Variants in PAM observed in about 807,000 individuals in gnomAD.
PAM encodes peptidylglycine alpha-amidating monooxygenase.
A neutral mutation model predicts 122.1 loss-of-function variants in PAM; 72 were observed. That is an observed-to-expected ratio of 0.59 (90% CI 0.49 to 0.72). PAM has a LOEUF of 0.72. Among genes scored for constraint, PAM ranks in the 30% least tolerant of loss-of-function variants. The pLI, the probability that PAM is intolerant of heterozygous loss-of-function variation, is 0.00. For synonymous variants in PAM, 389 were observed against 404.4 expected (o/e 0.96, Z 0.46); for missense variants, 1,106 against 1,183.7 (o/e 0.93, Z 0.96).
chr5:102,888,286 C>T (rs2151233251), intron 3 of PAM, among the ~76,000 whole-genome samples: 1 of 152,026 alleles, frequency 6.6e-6, no homozygotes, highest in South Asian at 2.1e-4. Flanking sequence ...TGGTCTGTTC[C>T]AGCTCCATTG....
At chr5:102,862,694 T>C (rs574603857) in intron 1 of PAM, among the ~76,000 whole-genome samples, 10 of 152,378 alleles carry the variant, frequency 6.6e-5, no homozygotes, top group Non-Finnish European at 1.2e-4. Context: ...ATATTTATTA[T>C]GTGTCTAGCA....
chr5:102,864,490 T>A (rs962372698), intron 1 of PAM: 1 of 152,184 alleles, frequency 6.6e-6, no homozygotes, highest in African/African-American at 2.4e-5. Flanking sequence ...TTTGGTTGGA[T>A]GTTAAGTCAG....
chr5:102,899,335 C>G (rs1797033673), intron 3 of PAM, among the ~76,000 whole-genome samples: 1 of 151,340 alleles, frequency 6.6e-6, no homozygotes, highest in South Asian at 2.1e-4. Context: ...ATGTGACCAT[C>G]ATTGACTTAA....
rs559835276 is a variant in PAM at position 102,852,662 on chromosome 5, G to A, written c.-373-13161G>A. 1.8e-4 allele frequency among the ~76,000 whole-genome samples: 28 copies of A among 152,098 alleles called. No individual in the cohort carries two copies. The South Asian group carries it at 4.2e-3, about 23-fold the overall frequency. On this transcript the variant is annotated intron_variant, in intron 1 of 25. Transcript: ENST00000438793. ...TAGAAATTAATGTGGATTATAATGG[G>A]AAGCAAATTTAAAATATAAAATAAA...
At chr5:102,908,641 G>A (rs189161925) in intron 4 of PAM, among the ~76,000 whole-genome samples, 1,874 of 151,068 alleles carry the variant, frequency 0.012, 42 homozygotes, top group African/African-American at 0.043. Context: ...TGGGTGCAGC[G>A]CACCAGCATG....
intron 15 of PAM, among the ~76,000 whole-genome samples, chr5:102,976,108 G>A (rs1227051187): frequency 1.3e-5 from 2 of 152,126 alleles, no homozygotes; most frequent in African/African-American, 4.8e-5. Flanking sequence ...TCCTGTGAAT[G>A]TCACTGACGT....
chr5:102,855,798 C>T (rs1436736817), intron 1 of PAM, among the ~76,000 whole-genome samples: 1 of 152,206 alleles, frequency 6.6e-6, no homozygotes, highest in East Asian at 1.9e-4. Flanking sequence ...TCCCCACCTT[C>T]AGACCACATC....
At chr5:102,760,813 T>C (rs1349867109) in intron 1 of PAM, among the ~76,000 whole-genome samples, 1 of 152,220 alleles carries the variant, frequency 6.6e-6, no homozygotes. Flanking sequence ...ACCTATACAG[T>C]ACTTAGTTCA....
At chr5:102,987,600 G>T (rs755366576) in intron 15 of PAM, 1 of 445,554 alleles carries the variant, frequency 2.2e-6, no homozygotes, top group South Asian at 1.6e-5. Context: ...ACCCTGATTT[G>T]ATCATGCTTG....
chr5:102,791,669 A>T (rs1294488897), intron 1 of PAM, among the ~76,000 whole-genome samples: 1 of 152,090 alleles, frequency 6.6e-6, no homozygotes. Flanking sequence ...TTAAAACCAA[A>T]CCAAAAAACC....
intron 14 of PAM, among the ~76,000 whole-genome samples, chr5:102,967,307 C>A (rs1213107551): frequency 1.3e-5 from 2 of 152,106 alleles, no homozygotes; most frequent in African/African-American, 4.8e-5. Context: ...TTCCATATAC[C>A]AAACTCACAC....
intron 4 of PAM, among the ~76,000 whole-genome samples, chr5:102,904,774 C>G (rs1799026568): frequency 6.6e-6 from 1 of 151,576 alleles, no homozygotes; most frequent in South Asian, 2.1e-4. Flanking sequence ...AATACTAGGA[C>G]AGACTCTCTT....
chr5:102,851,068 G>A (rs1274200996), intron 1 of PAM, among the ~76,000 whole-genome samples: 2 of 152,152 alleles, frequency 1.3e-5, no homozygotes, highest in Non-Finnish European at 2.9e-5. Flanking sequence ...AAAACTGACT[G>A]TGAGGAGAAC....
At chr5:102,826,462 C>T (rs1030275138) in intron 1 of PAM, among the ~76,000 whole-genome samples, 3 of 151,920 alleles carry the variant, frequency 2.0e-5, no homozygotes, top group South Asian at 2.1e-4. Context: ...ATAAAACAAC[C>T]GAGGAGCTTG....
At chr5:102,978,049 T>C (rs1214273510) in intron 15 of PAM, among the ~76,000 whole-genome samples, 1 of 152,200 alleles carries the variant, frequency 6.6e-6, no homozygotes, top group Non-Finnish European at 1.5e-5. Context: ...ATTGCTACCA[T>C]TACTGTCATG....
intron 4 of PAM, among the ~76,000 whole-genome samples, chr5:102,909,595 G>A (rs865823615): frequency 4.0e-5 from 6 of 151,724 alleles, no homozygotes; most frequent in African/African-American, 9.7e-5. Context: ...GGGAATAACC[G>A]CTGGAGATTT....
intron 1 of PAM, among the ~76,000 whole-genome samples, chr5:102,788,079 A>G (rs773220810): frequency 1.9e-4 from 29 of 152,086 alleles, no homozygotes; most frequent in Admixed American, 5.9e-4. Context: ...CACAGCTCCA[A>G]TTTACTTCAG....
Position 103,026,106 on chromosome 5 carries a change from G to A in PAM, c.2689+772G>A, listed in dbSNP as rs1056789651. ...AAGGCAGAGTCCAATACCAGAGTTA[G>A]TATTTTATGAAATCATTATCACAAT... is the stretch of plus-strand genomic sequence containing the variant. On this transcript the variant is annotated intron_variant, in intron 24 of 25. Coordinates refer to ENST00000438793, the MANE Select transcript of PAM (RefSeq NM_001177306.2). 5.3e-5 allele frequency among the ~76,000 whole-genome samples: 8 copies of A among 152,184 alleles called. No individual in the cohort carries two copies. The East Asian group carries it at 1.3e-3, about 26-fold the overall frequency.
chr5:102,960,471 A>T (rs1370676654), intron 13 of PAM, among the ~76,000 whole-genome samples: 1 of 152,034 alleles, frequency 6.6e-6, no homozygotes, highest in African/African-American at 2.4e-5. Flanking sequence ...GCCATACTTT[A>T]AATTATCCAT....
Sources: gnomAD v4.1 joint callset for allele counts (sites outside exome capture counted in the v4.1 genomes callset) on GRCh38, gnomAD v4.1.1 for gene constraint, MANE v1.5 for transcripts, NCBI Gene and HGNC (gene_info 2026-07-23, HGNC 2026-07-21) for gene names.